The following ATPSCKMT variants were observed in gnomAD, a reference collection of about 807,000 sequenced individuals.
The protein encoded by ATPSCKMT is ATP synthase c subunit lysine N-methyltransferase.
In ATPSCKMT, 24 loss-of-function variants were observed where a neutral mutation model predicts 24.3. The observed-to-expected ratio is 0.99, with a 90% CI of 0.71 to 1.39. The LOEUF (loss-of-function observed/expected upper bound fraction) is 1.39, where lower values mean the gene tolerates loss of function less well. Ranked by LOEUF, ATPSCKMT falls within the 40% of genes most tolerant of loss-of-function variation. ATPSCKMT has a pLI of 0.00. For missense variants in ATPSCKMT, 311 were observed against 298.4 expected (o/e 1.04, Z -0.31); for synonymous variants, 95 against 110.5 (o/e 0.86, Z 0.88).
rs375529229 is a variant in ATPSCKMT, at chr5:10,230,411, T to G, written c.496-2764A>C. ...ATTATAAACTTATTCATGATGCTATTATTCTTTTCTCTTTTATAGTTTCTT... is the reference window on the plus strand; with the variant it reads ...ATTATAAACTTATTCATGATGCTATGATTCTTTTCTCTTTTATAGTTTCTT... On this transcript the variant is annotated intron_variant, in intron 4 of 4. Transcript: ENST00000511437. 2.8e-4 allele frequency among the ~76,000 whole-genome samples: 42 copies of G among 152,338 alleles called. No individual in the cohort carries two copies. In the South Asian group the frequency reaches 5.2e-3, roughly 19 times the overall value.
At chr5:10,232,982 C>T (rs1744218884) in intron 4 of ATPSCKMT, among the ~76,000 whole-genome samples, 1 of 152,242 alleles carries the variant, frequency 6.6e-6, no homozygotes, top group Non-Finnish European at 1.5e-5. Flanking sequence ...GGGATTCCTG[C>T]TCCTTTTTAG....
chr5:10,234,302 T>C (rs1744279693), intron 4 of ATPSCKMT, among the ~76,000 whole-genome samples: 1 of 152,032 alleles, frequency 6.6e-6, no homozygotes, highest in South Asian at 2.1e-4. Context: ...CACTCCAGCC[T>C]GGGCAACAGA....
At chr5:10,231,303 T>G (rs866415630) in intron 4 of ATPSCKMT, among the ~76,000 whole-genome samples, 2 of 152,140 alleles carry the variant, frequency 1.3e-5, no homozygotes, top group Non-Finnish European at 2.9e-5. Flanking sequence ...CAGAATTTGA[T>G]GCTTCTCACC....
At chr5:10,232,721 G>C (rs565455284) in intron 4 of ATPSCKMT, among the ~76,000 whole-genome samples, 1 of 152,338 alleles carries the variant, frequency 6.6e-6, no homozygotes, top group African/African-American at 2.4e-5. Flanking sequence ...GAAGGACGGA[G>C]GGCTGGTGCA....
Position 10,235,271 on chromosome 5 carries a change from G to A in ATPSCKMT, c.445-10C>T. 2 of 1,612,002 alleles carry A rather than the reference G, an allele frequency of 1.2e-6. No individual in the cohort carries two copies. Among genetic ancestry groups the A allele is most frequent in the African/African-American group, 1.3e-5 (1 of 74,886 alleles). The stretch of plus-strand genomic sequence containing the variant: ...ACTGCGAAAAAGTAACCTGAACAAG[G>A]TGGGAAAATAATCAGTAGATTAAGT... On this transcript the variant is annotated splice_polypyrimidine_tract_variant and intron_variant, in intron 3 of 4. Coordinates refer to ENST00000511437, the MANE Select transcript of ATPSCKMT (RefSeq NM_199133.4).
At chr5:10,247,519 T>C (rs1744989367) in intron 1 of ATPSCKMT, among the ~76,000 whole-genome samples, 1 of 152,134 alleles carries the variant, frequency 6.6e-6, no homozygotes, top group Admixed American at 6.5e-5. Context: ...TTTTTAAATT[T>C]TTTTCTTTAG....
At chr5:10,249,819 T>C in intron 1 of ATPSCKMT, 39 bp downstream of exon 1, 1 of 1,323,824 alleles carries the variant, frequency 7.6e-7, no homozygotes, top group Non-Finnish European at 9.9e-7. Flanking sequence ...GCACCCCTTC[T>C]CATGCCCCCA....
intron 1 of ATPSCKMT, among the ~76,000 whole-genome samples, chr5:10,239,629 A>G (rs1407961766): frequency 6.6e-6 from 1 of 152,200 alleles, no homozygotes; most frequent in Non-Finnish European, 1.5e-5. Context: ...TCCTTACAAA[A>G]CAATGTATTC....
chr5:10,230,465 G>A (rs892251899), intron 4 of ATPSCKMT, among the ~76,000 whole-genome samples: 1 of 151,988 alleles, frequency 6.6e-6, no homozygotes, highest in Non-Finnish European at 1.5e-5. Context: ...CATATGCTAA[G>A]TCAAGATAAA....
At position 10,249,814 on chromosome 5, in the gene ATPSCKMT, C is replaced by CCTT. The variant is rs757546747; in HGVS notation, c.16+41_16+43dup. The CCTT allele has an allele frequency of 5.8e-6, 9 of 1,546,964 alleles. No individual in the cohort carries two copies. The South Asian group carries it at 8.6e-5, about 15-fold the overall frequency. On this transcript the variant is annotated intron_variant, in intron 1 of 4. Coordinates refer to ENST00000511437, the MANE Select transcript of ATPSCKMT (RefSeq NM_199133.4). ...CGCGAGCCCCCGGCCCGCCCGCACC[C>CCTT]CTTCTCATGCCCCCAGGAACCCGCC...
rs1465286197 is a variant in ATPSCKMT at position 10,227,761 on chromosome 5, A to C, written c.496-114T>G. On this transcript the variant is annotated intron_variant, in intron 4 of 4. Coordinates refer to ENST00000511437, the MANE Select transcript of ATPSCKMT (RefSeq NM_199133.4). ...ACCTGAGCAAAAATTACTACTTGTT[A>C]AAAAGAGCACTCTGGGACACAAACA... is the stretch of plus-strand genomic sequence containing the variant. 3 of 874,708 alleles carry C rather than the reference A, an allele frequency of 3.4e-6. No individual in the cohort carries two copies. The African/African-American group carries it at 5.0e-5, about 15-fold the overall frequency. 54.2% of individuals were successfully genotyped at this position (874,708 alleles called of 1,614,324 possible).
rs188721606 is a variant in ATPSCKMT at position 10,244,857 on chromosome 5, G to C, written c.16+5001C>G. ...CAGGAGGCTGAGGCTGCAGTGAGCC[G>C]TGATCGCACCATTACATTCCAGCCT... is the stretch of plus-strand genomic sequence containing the variant. On this transcript the variant is annotated intron_variant, in intron 1 of 4. Transcript: ENST00000511437. 3.0e-3 allele frequency among the ~76,000 whole-genome samples: 450 copies of C among 151,562 alleles called. 1 individual carries two copies. The highest frequency in any genetic ancestry group is 4.4e-3 in the Non-Finnish European group (296 of 67,958).
intron 4 of ATPSCKMT, among the ~76,000 whole-genome samples, chr5:10,230,197 A>G (rs1744062975): frequency 6.6e-6 from 1 of 152,188 alleles, no homozygotes; most frequent in East Asian, 1.9e-4. Flanking sequence ...ATTAGAATCA[A>G]TGCGAAGATA....
intron 2 of ATPSCKMT, 150 bp downstream of exon 2, chr5:10,238,917 G>T: frequency 2.2e-6 from 2 of 927,400 alleles, no homozygotes; most frequent in Non-Finnish European, 3.2e-6. Context: ...CACACTGGTA[G>T]TTGAATAGTT....
At position 10,226,327 on chromosome 5, in the gene ATPSCKMT, A is replaced by T. The variant is rs1743875135; in HGVS notation, c.*1114T>A. The stretch of plus-strand genomic sequence containing the variant: ...TTCTCATTTAAATGAAAATGATCAA[A>T]CTGACCAATTTTTATAAGTTTAGTT... On this transcript the variant is annotated 3_prime_UTR_variant, in exon 5 of 5. Transcript: ENST00000511437. 6.6e-6 allele frequency: 1 copy of T among 152,262 alleles called. No homozygotes were observed. The highest frequency in any genetic ancestry group is 1.5e-5 in the Non-Finnish European group (1 of 68,050). The allele number at this position is 152,262 out of a possible 1,614,324, so 9.4% of individuals were successfully genotyped here.
In ATPSCKMT at chr5:10,227,412, A is replaced by C. The variant is rs747624672; in HGVS notation, c.*29T>G. 3.1e-6 allele frequency: 5 copies of C among 1,609,498 alleles called. No individual in the cohort carries two copies. The South Asian group carries it at 5.5e-5, about 18-fold the overall frequency. ...CTCTACAAGATCAGGGAAGACTACA[A>C]TATTTCAGAAAAACACTCCCAGTCA... On this transcript the variant is annotated 3_prime_UTR_variant, in exon 5 of 5. Transcript: ENST00000511437.
At chr5:10,232,032 G>A (rs1175978611) in intron 4 of ATPSCKMT, among the ~76,000 whole-genome samples, 2 of 152,132 alleles carry the variant, frequency 1.3e-5, no homozygotes, top group African/African-American at 4.8e-5. Context: ...GTGAGACTCT[G>A]TCCCTGCGAA....
chr5:10,235,842 G>A (rs1744352753), intron 3 of ATPSCKMT, among the ~76,000 whole-genome samples: 1 of 152,182 alleles, frequency 6.6e-6, no homozygotes, highest in Non-Finnish European at 1.5e-5. Context: ...TTACTCTATA[G>A]AGAGATCGTT....
At chr5:10,232,734 G>T (rs1744206613) in intron 4 of ATPSCKMT, among the ~76,000 whole-genome samples, 1 of 152,228 alleles carries the variant, frequency 6.6e-6, no homozygotes, top group Non-Finnish European at 1.5e-5. Flanking sequence ...CTGGTGCAGA[G>T]AGCTGAGGGC....
Sources: gnomAD v4.1 joint callset for allele counts (sites outside exome capture counted in the v4.1 genomes callset) on GRCh38, gnomAD v4.1.1 for gene constraint, MANE v1.5 for transcripts, NCBI Gene and HGNC (gene_info 2026-07-23, HGNC 2026-07-21) for gene names.